The following ATP2C2 variants were observed in gnomAD, a reference collection of about 807,000 sequenced individuals.
ATP2C2 encodes calcium-transporting ATPase type 2C member 2.
A neutral mutation model predicts 110.8 loss-of-function variants in ATP2C2; 171 were observed. The ratio of observed to expected loss-of-function variants is 1.54; its 90% CI spans 1.36 to 1.75. The LOEUF is 1.75. Ranked by LOEUF, ATP2C2 falls within the 40% of genes most tolerant of loss-of-function variation. The pLI is 0.00. For missense variants in ATP2C2, 1,963 were observed against 1,235.0 expected, an observed-to-expected ratio of 1.59 and a Z score of -8.84; for synonymous variants, 804 against 508.4, an observed-to-expected ratio of 1.58 and a Z score of -7.82.
rs143797673 is a variant in ATP2C2, at chr16:84,383,735, C to CTGTGTGTGTGTGTGTGTG, written c.100-14749_100-14748insGTGTGTGTGTGTGTGTGT. Among the ~76,000 whole-genome samples, 564 of 137,658 alleles carry CTGTGTGTGTGTGTGTGTG rather than the reference C, an allele frequency of 4.1e-3. 3 individuals carry two copies. Among genetic ancestry groups the CTGTGTGTGTGTGTGTGTG allele is most frequent in the African/African-American group, 6.0e-3 (230 of 38,462 alleles). The allele number at this position is 137,658 out of a possible 152,430, so 90.3% of individuals were successfully genotyped here. ...GATGCTGTATTATTTCTGAATACAT[C>CTGTGTGTGTGTGTGTGTG]TGTGTGTGTGTGTGTATGTGTGTGT... On this transcript the variant is annotated intron_variant, in intron 1 of 26. Coordinates refer to ENST00000262429, the MANE Select transcript of ATP2C2 (RefSeq NM_014861.4).
intron 11 of ATP2C2, among the ~76,000 whole-genome samples, chr16:84,433,110 T>G (rs913869055): frequency 6.6e-6 from 1 of 152,166 alleles, no homozygotes; most frequent in Admixed American, 6.5e-5. Context: ...CTGGGCACAG[T>G]GGCTCACACC....
chr16:84,419,212 A>G (rs1422776888), intron 7 of ATP2C2, among the ~76,000 whole-genome samples: 1 of 130,682 alleles, frequency 7.7e-6, no homozygotes, highest in East Asian at 2.2e-4. Flanking sequence ...CATCTTTAAA[A>G]AAAAAAAAAA....
At chr16:84,384,553 C>T (rs1904296721) in intron 1 of ATP2C2, among the ~76,000 whole-genome samples, 1 of 152,134 alleles carries the variant, frequency 6.6e-6, no homozygotes, top group South Asian at 2.1e-4. Context: ...TTAATTAAAG[C>T]TATTACTTTC....
intron 1 of ATP2C2, 22 bp from the exon 2 acceptor site, chr16:84,398,477 A>T (rs765849149): frequency 1.9e-6 from 3 of 1,538,904 alleles, no homozygotes; most frequent in Non-Finnish European, 2.6e-6. Context: ...TCCGCTAAAC[A>T]GCAACCCTGC....
chr16:84,438,439 G>A (rs1420546552), intron 11 of ATP2C2, among the ~76,000 whole-genome samples: 1 of 152,154 alleles, frequency 6.6e-6, no homozygotes, highest in East Asian at 1.9e-4. Context: ...CTCTACACAT[G>A]CTCTCACCTG....
At position 84,448,622 on chromosome 16, in the gene ATP2C2, G is replaced by C. The variant is rs141997148; in HGVS notation, c.1593G>C (p.Pro531=). 1 of 1,614,008 alleles carries C rather than the reference G, an allele frequency of 6.2e-7. No homozygotes were observed. The highest frequency in any genetic ancestry group is 2.2e-5 in the East Asian group (1 of 44,872). ...TMYNNGGIPL[P]LTPQQRSFCL... ...ACAACAACGGGGGCATCCCCCTGCCGCTGACGCCCCAGCAGAGGTCATTCT... is the reference window on the plus strand; with the variant it reads ...ACAACAACGGGGGCATCCCCCTGCCCCTGACGCCCCAGCAGAGGTCATTCT... The change falls in exon 17 of 27, where the codon CCG becomes CCC. Residue 531 remains proline, a synonymous_variant. Coordinates refer to ENST00000262429, the MANE Select transcript of ATP2C2 (RefSeq NM_014861.4).
chr16:84,453,279 C>T, intron 19 of ATP2C2, 42 bp from the exon 20 acceptor site: 1 of 1,614,048 alleles, frequency 6.2e-7, no homozygotes, highest in Non-Finnish European at 8.5e-7. Flanking sequence ...TGGGTCACAG[C>T]TTTGAAATCT....
chr16:84,447,923 A>T (rs1471024712), intron 16 of ATP2C2, among the ~76,000 whole-genome samples: 1 of 151,018 alleles, frequency 6.6e-6, no homozygotes, highest in Non-Finnish European at 1.5e-5. Flanking sequence ...ATCTTATAAC[A>T]GTGTTACATT....
At position 84,454,943 on chromosome 16, in the gene ATP2C2, C is replaced by A. The variant is rs371145760; in HGVS notation, c.2106C>A (p.Ala702=). ...CAGGGACGGACGTCAGCAAAGAGGCCGCCAACATGATCCTGGTGGATGATG... is the reference window on the plus strand; with the variant it reads ...CAGGGACGGACGTCAGCAAAGAGGCAGCCAACATGATCCTGGTGGATGATG... ...GQTGTDVSKE[A]ANMILVDDDF... Residue 702 remains alanine, a synonymous_variant, in exon 21 of 27, where the codon GCC becomes GCA. Coordinates refer to ENST00000262429, the MANE Select transcript of ATP2C2 (RefSeq NM_014861.4). 5.6e-6 allele frequency: 9 copies of A among 1,613,716 alleles called. No individual in the cohort carries two copies. The Admixed American group carries it at 1.3e-4, about 24-fold the overall frequency.
At chr16:84,460,925 C>T (rs2150599976) in intron 24 of ATP2C2, 124 bp downstream of exon 24, 1 of 1,328,622 alleles carries the variant, frequency 7.5e-7, no homozygotes, top group East Asian at 2.4e-5. Flanking sequence ...ACACACCGGA[C>T]AATGTGATGC....
intron 7 of ATP2C2, among the ~76,000 whole-genome samples, chr16:84,416,920 G>A (rs28711975): frequency 0.017 from 1,696 of 97,926 alleles, 44 homozygotes; most frequent in African/African-American, 0.055. Context: ...CCCGAGAAGG[G>A]GGGTCCTAAC....
At chr16:84,401,139 T>A (rs1905290810) in intron 2 of ATP2C2, among the ~76,000 whole-genome samples, 1 of 151,880 alleles carries the variant, frequency 6.6e-6, no homozygotes, top group African/African-American at 2.4e-5. Flanking sequence ...AAGAAATCTT[T>A]GCCCAGTTCA....
chr16:84,453,112 G>T, intron 18 of ATP2C2, 26 bp from the exon 19 acceptor site: 1 of 1,584,362 alleles, frequency 6.3e-7, no homozygotes, highest in Non-Finnish European at 8.6e-7. Flanking sequence ...CCTCAGAGCA[G>T]GCCCTCAGAA....
chr16:84,400,703 G>A (rs35126574), intron 2 of ATP2C2, among the ~76,000 whole-genome samples: 61,448 of 151,698 alleles, frequency 0.41, 13,002 homozygotes, highest in South Asian at 0.6. Context: ...CAGTGTACAA[G>A]GGTTCCCTTT....
At chr16:84,375,040 G>A (rs1910170874) in intron 1 of ATP2C2, among the ~76,000 whole-genome samples, 1 of 152,164 alleles carries the variant, frequency 6.6e-6, no homozygotes. Context: ...AGAAGGACTT[G>A]TCTCATATCA....
intron 1 of ATP2C2, among the ~76,000 whole-genome samples, chr16:84,396,048 G>A (rs767068883): frequency 6.6e-6 from 1 of 152,102 alleles, no homozygotes; most frequent in Non-Finnish European, 1.5e-5. Context: ...GGGACCTCCT[G>A]TAACTGGAGT....
chr16:84,463,612 A>C lies in ATP2C2; in HGVS notation c.2723-2A>C. 6.2e-7 allele frequency: 1 copy of C among 1,612,110 alleles called. No individual in the cohort carries two copies. Among genetic ancestry groups the C allele is most frequent in the Non-Finnish European group, 8.5e-7 (1 of 1,178,152 alleles). ...AATCTTTTCTGTTTTCTCCCTTGGC[A>C]GATTTGCTGTTTTTAACTGGATTGG... On this transcript the variant is annotated splice_acceptor_variant, in intron 26 of 26. Coordinates refer to ENST00000262429, the MANE Select transcript of ATP2C2 (RefSeq NM_014861.4). LOFTEE classifies it high-confidence loss of function.
intron 1 of ATP2C2, among the ~76,000 whole-genome samples, chr16:84,392,287 T>C (rs1904708700): frequency 6.6e-6 from 1 of 152,124 alleles, no homozygotes; most frequent in African/African-American, 2.4e-5. Context: ...ACAATTACCA[T>C]TATCATATCA....
intron 11 of ATP2C2, 94 bp downstream of exon 11, chr16:84,425,895 T>C (rs577582019): frequency 6.8e-7 from 1 of 1,464,396 alleles, no homozygotes; most frequent in East Asian, 2.3e-5. Context: ...GGCTGCAGAA[T>C]AGGAAGGGTT....
Sources: allele counts gnomAD v4.1 joint callset (sites outside exome capture counted in the v4.1 genomes callset), GRCh38; gene constraint gnomAD v4.1.1; transcripts MANE v1.5; gene names NCBI Gene and HGNC (gene_info 2026-07-23, HGNC 2026-07-21).